The following GRK4 variants were observed in gnomAD, a reference collection of about 807,000 sequenced individuals.
The protein encoded by GRK4 is G protein-coupled receptor kinase 2-like.
In GRK4, 73 loss-of-function variants were observed where a neutral mutation model predicts 77.9. The ratio of observed to expected loss-of-function variants is 0.94; its 90% CI spans 0.78 to 1.14. GRK4 has a LOEUF of 1.14. Among genes scored for constraint, GRK4 ranks in the 50% most tolerant of loss-of-function variants. The pLI, the probability that GRK4 is intolerant of heterozygous loss-of-function variation, is 0.00. For synonymous variants in GRK4, 257 were observed against 254.4 expected (o/e 1.01, Z -0.10); for missense variants, 729 against 700.2 (o/e 1.04, Z -0.46).
intron 1 of GRK4, among the ~76,000 whole-genome samples, chr4:2,983,811 G>T (rs113673280): frequency 0.029 from 4,443 of 152,218 alleles, 86 homozygotes; most frequent in Middle Eastern, 0.041. Flanking sequence ...TTGACTCACA[G>T]TTCTGCATGG....
At chr4:3,010,076 T>C (rs1732440742) in intron 7 of GRK4, among the ~76,000 whole-genome samples, 1 of 152,068 alleles carries the variant, frequency 6.6e-6, no homozygotes, top group African/African-American at 2.4e-5. Context: ...TAGTACAGAG[T>C]GAATTAGTAA....
intron 1 of GRK4, among the ~76,000 whole-genome samples, chr4:2,974,224 G>A (rs553177890): frequency 3.3e-5 from 5 of 152,090 alleles, no homozygotes; most frequent in South Asian, 4.2e-4. Context: ...TATTTTACTT[G>A]TACTTTGTTC....
intron 1 of GRK4, chr4:2,969,337 G>A (rs28666534): frequency 0.36 from 54,774 of 151,116 alleles, 10,387 homozygotes; most frequent in African/African-American, 0.44. Flanking sequence ...ACTGTGCCTG[G>A]CCAAATTTTC....
intron 4 of GRK4, among the ~76,000 whole-genome samples, chr4:2,994,212 A>T (rs1045990446): frequency 3.3e-5 from 5 of 151,996 alleles, no homozygotes. Context: ...TTTTATTTTT[A>T]TTTTTTTCCC....
chr4:2,964,310 C>A (rs1349424876), intron 1 of GRK4, among the ~76,000 whole-genome samples, 188 bp downstream of exon 1: 2 of 152,198 alleles, frequency 1.3e-5, no homozygotes, highest in African/African-American at 4.8e-5. Context: ...TGTGGTCAGG[C>A]TGCCCGGGCC....
At chr4:2,966,413 A>AAG (rs1000199550) in intron 1 of GRK4, 2 of 142,566 alleles carry the variant, frequency 1.4e-5, no homozygotes, top group African/African-American at 5.0e-5. Context: ...CTCCGTCTCG[A>AAG]AAAAAAAAAA....
intron 10 of GRK4, among the ~76,000 whole-genome samples, chr4:3,025,429 G>A (rs1465958560): frequency 1.6e-4 from 20 of 124,020 alleles, no homozygotes; most frequent in Non-Finnish European, 2.5e-4. Flanking sequence ...TTGCTCTGTC[G>A]CCCAGGCTGG....
intron 12 of GRK4, 85 bp from the exon 13 acceptor site, chr4:3,035,301 T>C: frequency 7.3e-7 from 1 of 1,365,982 alleles, no homozygotes; most frequent in African/African-American, 1.4e-5. Flanking sequence ...CCCTCCCGAG[T>C]CCTTTGGTTA....
At chr4:3,034,499 C>G (rs1480416457) in intron 12 of GRK4, among the ~76,000 whole-genome samples, 2 of 152,144 alleles carry the variant, frequency 1.3e-5, no homozygotes, top group Non-Finnish European at 2.9e-5. Flanking sequence ...TTCCCAAGCC[C>G]AGGTCTAGGT....
chr4:2,965,173 TGAA>T, intron 1 of GRK4: 1 of 645,650 alleles, frequency 1.5e-6, no homozygotes, highest in Non-Finnish European at 2.8e-6. Context: ...TTTTTGGATG[TGAA>T]TCCACTGAGC....
intron 8 of GRK4, among the ~76,000 whole-genome samples, chr4:3,018,886 TAAAG>T (rs1735281735): frequency 6.6e-6 from 1 of 151,842 alleles, no homozygotes; most frequent in Non-Finnish European, 1.5e-5. Flanking sequence ...CTCAAAAAAA[TAAAG>T]AAAGAAGGTC....
Position 3,029,240 on chromosome 4 carries a change from C to A in GRK4, c.1100C>A (p.Pro367His), listed in dbSNP as rs1421748177. Residue 367 changes from proline (P) to histidine (H), a missense_variant, in exon 12 of 16, where the codon CCC becomes CAC. Coordinates refer to ENST00000398052, the MANE Select transcript of GRK4 (RefSeq NM_182982.3). ...AATAATGAAAAGTATACGTTTAGTC[C>A]CGATTGGTGGGGACTTGGCTGTCTG... is the stretch of plus-strand genomic sequence containing the variant. ...VVNNEKYTFSPDWWGLGCLIY... is the reference protein window; with the variant it reads ...VVNNEKYTFSHDWWGLGCLIY... The A allele has an allele frequency of 1.9e-6, 3 of 1,613,848 alleles. No homozygotes were observed. Among genetic ancestry groups the A allele is most frequent in the South Asian group, 1.1e-5 (1 of 91,060 alleles).
chr4:3,028,874 C>A (rs1012009780), intron 11 of GRK4, among the ~76,000 whole-genome samples: 1 of 151,930 alleles, frequency 6.6e-6, no homozygotes. Context: ...CAGGCACAAG[C>A]GATTCTCCTG....
chr4:2,965,786 C>T lies in GRK4; in HGVS notation c.52+1664C>T, dbSNP rs866371728. 1.3e-4 allele frequency: 44 copies of T among 329,956 alleles called. 1 individual carries two copies. Among genetic ancestry groups the T allele is most frequent in the Admixed American group, 1.1e-3 (24 of 21,984 alleles). The allele number at this position is 329,956 out of a possible 1,614,324, so 20.4% of individuals were successfully genotyped here. On this transcript the variant is annotated intron_variant, in intron 1 of 15. Transcript: ENST00000398052. ...GTGGGAAGAGAATGGGATCTTTTTC[C>T]CTTAAGATAATCAGGGAGTCCCAGA...
In GRK4 at chr4:3,029,360, A is replaced by T. The variant is rs1384018443; in HGVS notation, c.1220A>T (p.Glu407Val). ...GATCAAAGAATCAAGAATGATACCG[A>T]GGAGTATTCTGAGAAGTTTTCAGAG... is the stretch of plus-strand genomic sequence containing the variant. Reference protein sequence around the residue: ...EVDQRIKNDTEEYSEKFSEDA... With the variant: ...EVDQRIKNDTVEYSEKFSEDA... The change falls in exon 12 of 16, where the codon GAG (glutamate) becomes GTG (valine). Residue 407 changes from glutamate (E) to valine (V), a missense_variant. By Grantham distance (121) the Glu-to-Val change is moderately radical. Transcript: ENST00000398052. 5.0e-6 allele frequency: 8 copies of T among 1,614,102 alleles called. No homozygotes were observed. The highest frequency in any genetic ancestry group is 6.8e-6 in the Non-Finnish European group (8 of 1,180,032).
chr4:2,965,743 TAGA>T, intron 1 of GRK4: 1 of 398,816 alleles, frequency 2.5e-6, no homozygotes, highest in Non-Finnish European at 4.7e-6. Context: ...CTATTTTGAA[TAGA>T]AGAACTGAGA....
chr4:3,014,350 G>A (rs1482728315), intron 8 of GRK4, among the ~76,000 whole-genome samples: 8 of 147,518 alleles, frequency 5.4e-5, no homozygotes, highest in East Asian at 4.0e-4. Flanking sequence ...AGGCTGGAGC[G>A]CAATGGCACG....
intron 1 of GRK4, among the ~76,000 whole-genome samples, chr4:2,971,932 C>G (rs369781559): frequency 1.3e-5 from 2 of 152,124 alleles, no homozygotes; most frequent in Non-Finnish European, 2.9e-5. Flanking sequence ...GGATTAGGGC[C>G]CACCCTAATG....
At chr4:3,005,428 G>A (rs1406886929) in intron 5 of GRK4, among the ~76,000 whole-genome samples, 1 of 151,922 alleles carries the variant, frequency 6.6e-6, no homozygotes, top group Non-Finnish European at 1.5e-5. Flanking sequence ...GTGGCAGGGA[G>A]TGGCGCACCT....
Sources: allele counts gnomAD v4.1 joint callset (sites outside exome capture counted in the v4.1 genomes callset), GRCh38; gene constraint gnomAD v4.1.1; transcripts MANE v1.5; gene names NCBI Gene and HGNC (gene_info 2026-07-23, HGNC 2026-07-21).